COL9A1: variants seen among roughly 807,000 people sequenced by gnomAD.
The protein encoded by COL9A1 is collagen type IX alpha 1 chain.
In COL9A1, 104 loss-of-function variants were observed where a neutral mutation model predicts 142.6. The ratio of observed to expected loss-of-function variants is 0.73; its 90% CI spans 0.62 to 0.86. The LOEUF (loss-of-function observed/expected upper bound fraction) is 0.86. Among genes scored for constraint, COL9A1 ranks in the 40% least tolerant of loss-of-function variants. The pLI, the probability that COL9A1 is intolerant of heterozygous loss-of-function variation, is 0.00. For synonymous variants in COL9A1, 466 were observed against 396.0 expected (o/e 1.18, Z -2.10); for missense variants, 1,210 against 1,176.6 (o/e 1.03, Z -0.42).
intron 36 of COL9A1, among the ~76,000 whole-genome samples, chr6:70,228,314 A>T (rs1769357399): frequency 6.6e-6 from 1 of 152,098 alleles, no homozygotes; most frequent in East Asian, 1.9e-4. Context: ...GCCCCTGAAG[A>T]TACCAAACCC....
chr6:70,220,453 CAGGAAGTAGACAG>C (rs1768811567), intron 37 of COL9A1, among the ~76,000 whole-genome samples: 1 of 150,544 alleles, frequency 6.6e-6, no homozygotes, highest in Non-Finnish European at 1.5e-5. Context: ...CTGAGTTGAC[CAGGAAGTAGACAG>C]AGGTACAAAA....
intron 33 of COL9A1, among the ~76,000 whole-genome samples, 184 bp downstream of exon 33, chr6:70,239,070 C>G (rs1265825303): frequency 6.6e-6 from 1 of 151,882 alleles, no homozygotes; most frequent in East Asian, 1.9e-4. Flanking sequence ...ACCCAGGAGG[C>G]AGAGGTTGCA....
chr6:70,257,048 A>AATTTTTTTTTTTT (rs1562307548), intron 20 of COL9A1, among the ~76,000 whole-genome samples: 1 of 105,018 alleles, frequency 9.5e-6, no homozygotes. Flanking sequence ...CCACTCTGTA[A>AATTTTTTTTTTTT]TTTTTTTTTT....
chr6:70,271,629 C>A, intron 14 of COL9A1, 26 bp downstream of exon 14: 1 of 1,609,520 alleles, frequency 6.2e-7, no homozygotes, highest in South Asian at 1.1e-5. Flanking sequence ...CAGCAAACGT[C>A]TATCAAAGTG....
chr6:70,271,850 A>G, intron 13 of COL9A1, 142 bp from the exon 14 acceptor site: 1 of 964,178 alleles, frequency 1.0e-6, no homozygotes, highest in South Asian at 1.6e-5. Context: ...ATTTGACCAA[A>G]CTTTAATTAC....
intron 5 of COL9A1, among the ~76,000 whole-genome samples, chr6:70,290,012 G>A (rs191391914): frequency 1.3e-3 from 197 of 152,212 alleles, no homozygotes; most frequent in African/African-American, 4.5e-3. Context: ...ACAGAGCCAC[G>A]CATTTGATAA....
intron 33 of COL9A1, among the ~76,000 whole-genome samples, chr6:70,235,392 G>A (rs933085727): frequency 3.9e-5 from 6 of 152,142 alleles, no homozygotes; most frequent in Non-Finnish European, 7.4e-5. Flanking sequence ...GGTGGAGGTT[G>A]CAGTAAGCGG....
chr6:70,269,384 T>C (rs1409917187), intron 16 of COL9A1, among the ~76,000 whole-genome samples: 1 of 152,196 alleles, frequency 6.6e-6, no homozygotes, highest in African/African-American at 2.4e-5. Flanking sequence ...GATGCTCTAG[T>C]GAAAAGCATG....
intron 28 of COL9A1, among the ~76,000 whole-genome samples, chr6:70,247,513 T>A (rs1770679546): frequency 6.6e-6 from 1 of 152,204 alleles, no homozygotes. Flanking sequence ...CCTTTCCAAT[T>A]CAGAGGTTGG....
intron 10 of COL9A1, chr6:70,279,663 A>AAAAAAAAC: frequency 5.8e-6 from 1 of 172,522 alleles, no homozygotes; most frequent in African/African-American, 2.4e-5. Context: ...AAAAAAAAAA[A>AAAAAAAAC]AAAAAAACAC....
chr6:70,216,605 G>T lies in COL9A1; in HGVS notation c.*292C>A. 1 of 450,026 alleles carries T rather than the reference G, an allele frequency of 2.2e-6. No homozygotes were observed. Among genetic ancestry groups the T allele is most frequent in the Non-Finnish European group, 4.1e-6 (1 of 243,876 alleles). 27.9% of individuals were successfully genotyped at this position (450,026 alleles called of 1,614,324 possible). On this transcript the variant is annotated 3_prime_UTR_variant, in exon 38 of 38. Transcript: ENST00000357250. ...ATAGGTATAGCACACTAAAGCTCAA[G>T]ATCCTGGGAACAGGAGTATAAATTT...
At position 70,263,284 on chromosome 6, in the gene COL9A1, T is replaced by G. The variant is rs2127583225; in HGVS notation, c.1355A>C (p.Asp452Ala). The G allele has an allele frequency of 1.2e-6, 2 of 1,609,426 alleles. No individual in the cohort carries two copies. The highest frequency in any genetic ancestry group is 1.7e-6 in the Non-Finnish European group (2 of 1,177,634). ...TCCAACTTCTCCGAGTTCTCCCTGG[T>G]CACCTTCTTCACCCTAAAGAAAAAA... ...GRQGHKGEEG[D>A]QGELGEVGAQ... is the part of the protein sequence containing the mutation. The change falls in exon 19 of 38, where the codon GAC becomes GCC. Residue 452 changes from aspartate (D) to alanine (A), a missense_variant. Physicochemically the swap from Asp to Ala is moderately radical, Grantham distance 126. Transcript: ENST00000357250.
At chr6:70,293,940 C>T (rs889769813) in intron 5 of COL9A1, among the ~76,000 whole-genome samples, 2 of 152,132 alleles carry the variant, frequency 1.3e-5, no homozygotes, top group African/African-American at 4.8e-5. Context: ...ATCAGTATGG[C>T]TTTCTTTCTA....
intron 37 of COL9A1, among the ~76,000 whole-genome samples, chr6:70,222,171 T>TA (rs774347435): frequency 3.3e-5 from 5 of 151,950 alleles, no homozygotes; most frequent in Admixed American, 6.6e-5. Flanking sequence ...AAATATATTA[T>TA]AAAAAAAGGG....
In COL9A1 at chr6:70,251,767, G is replaced by A. The variant is rs182870269; in HGVS notation, c.1872+353C>T. Among the ~76,000 whole-genome samples the A allele has an allele frequency of 2.6e-5, 4 of 152,116 alleles. No individual in the cohort carries two copies. The East Asian group carries it at 5.8e-4, about 22-fold the overall frequency. ...TGGAAATATTCTAAACTTGATTGGG[G>A]TGATGGTTGCACAATTCCATCAATA... On this transcript the variant is annotated intron_variant, in intron 28 of 37. Coordinates refer to ENST00000357250, the MANE Select transcript of COL9A1 (RefSeq NM_001851.6).
chr6:70,263,928 C>A lies in COL9A1; in HGVS notation c.1342-631G>T, dbSNP rs139773398. Among the ~76,000 whole-genome samples the A allele has an allele frequency of 3.1e-3, 471 of 151,732 alleles. 1 individual carries two copies. The highest frequency in any genetic ancestry group is 0.011 in the African/African-American group (437 of 41,410). ...TCTTACATAGAAATCTGTAATTACC[C>A]GTAATTTGTTTGGATGTAAAGCAAA... is the stretch of plus-strand genomic sequence containing the variant. On this transcript the variant is annotated intron_variant, in intron 18 of 37. Coordinates refer to ENST00000357250, the MANE Select transcript of COL9A1 (RefSeq NM_001851.6).
chr6:70,242,238 C>T, intron 29 of COL9A1: 1 of 634,182 alleles, frequency 1.6e-6, no homozygotes, highest in Non-Finnish European at 2.9e-6. Context: ...TCACTCCACC[C>T]TAAGGTCCTC....
rs1295165052 is a variant in COL9A1 at position 70,241,473 on chromosome 6, A to T, written c.1999-19T>A. 6.2e-7 allele frequency: 1 copy of T among 1,603,164 alleles called. No individual in the cohort carries two copies. The highest frequency in any genetic ancestry group is 1.3e-5 in the African/African-American group (1 of 74,686). On this transcript the variant is annotated intron_variant, in intron 30 of 37. Coordinates refer to ENST00000357250, the MANE Select transcript of COL9A1 (RefSeq NM_001851.6). ...CTACACCCTGTAATAAATAAAATAT[A>T]ATACTTTTTCAGTATTTTCAACTGT...
chr6:70,225,131 A>G (rs3806069), intron 37 of COL9A1, among the ~76,000 whole-genome samples: 2,248 of 152,284 alleles, frequency 0.015, 78 homozygotes, highest in East Asian at 0.13. Context: ...GGGCTTTGGG[A>G]GCCTTCCTAA....
Sources: allele counts gnomAD v4.1 joint callset (sites outside exome capture counted in the v4.1 genomes callset), GRCh38; gene constraint gnomAD v4.1.1; transcripts MANE v1.5; gene names NCBI Gene and HGNC (gene_info 2026-07-23, HGNC 2026-07-21).